Variants in SYNM observed in about 807,000 individuals in gnomAD.
SYNM encodes the protein synemin, also known as desmuslin.
Under a neutral mutation model 104.0 loss-of-function variants are expected in SYNM, and 95 were observed. The observed-to-expected ratio is 0.91, with a 90% confidence interval of 0.77 to 1.08. SYNM has a LOEUF of 1.08. SYNM is among the 50% of genes least tolerant of loss of function. SYNM has a pLI of 0.00. For synonymous variants in SYNM, 918 were observed against 869.0 expected, an observed-to-expected ratio of 1.06 and a Z score of -0.99; for missense variants, 2,150 against 2,052.2, an observed-to-expected ratio of 1.05 and a Z score of -0.92.
intron 1 of SYNM, among the ~76,000 whole-genome samples, chr15:99,113,191 T>A (rs782584449): frequency 1.3e-5 from 2 of 152,236 alleles, no homozygotes; most frequent in Non-Finnish European, 2.9e-5. Context: ...GAGTGACTTA[T>A]GTTTTGAATA....
intron 2 of SYNM, among the ~76,000 whole-genome samples, chr15:99,122,264 G>A (rs1264838953): frequency 1.3e-5 from 2 of 152,186 alleles, no homozygotes; most frequent in Non-Finnish European, 1.5e-5. Context: ...TCTCCATGTA[G>A]ACTGCTAATG....
At chr15:99,126,167 G>A (rs1481523342) in intron 2 of SYNM, among the ~76,000 whole-genome samples, 4 of 152,080 alleles carry the variant, frequency 2.6e-5, no homozygotes, top group Admixed American at 6.5e-5. Context: ...TCTTTTTGTC[G>A]TCTCCAAGGT....
rs782352571 is a variant in SYNM at position 99,129,787 on chromosome 15, G to A, written c.1427G>A (p.Arg476Gln). The change falls in exon 4 of 4, where the codon CGA (arginine) becomes CAA (glutamine). Residue 476 changes from arginine (R) to glutamine (Q), a missense_variant. By Grantham distance (43) the Arg-to-Gln change is conservative. Coordinates refer to ENST00000336292, the MANE Select transcript of SYNM (RefSeq NM_145728.3). Reference protein sequence around the residue: ...TIARESYRDRRDKVAAGASES... With the variant: ...TIARESYRDRQDKVAAGASES... ...GCCCGCGAGTCGTACCGGGATCGCC[G>A]AGACAAGGTGGCAGCAGGTGCTTCG... 4 of 1,613,510 alleles carry A rather than the reference G, an allele frequency of 2.5e-6. No homozygotes were observed. Among genetic ancestry groups the A allele is most frequent in the South Asian group, 1.1e-5 (1 of 91,070 alleles).
intron 2 of SYNM, among the ~76,000 whole-genome samples, chr15:99,119,888 A>ATGACTGTCCACCCCG (rs1405292943): frequency 2.6e-5 from 4 of 152,154 alleles, no homozygotes; most frequent in Non-Finnish European, 5.9e-5. Context: ...GCTTTATCTC[A>ATGACTGTCCACCCCG]TGACTGTCCA....
Position 99,130,260 on chromosome 15 carries a change from A to C in SYNM, c.1900A>C (p.Met634Leu), listed in dbSNP as rs375763391. The C allele has an allele frequency of 1.4e-5, 23 of 1,613,996 alleles. No homozygotes were observed. Among genetic ancestry groups the C allele is most frequent in the Non-Finnish European group, 1.9e-5 (22 of 1,179,888 alleles). Residue 634 changes from methionine (M) to leucine (L), a missense_variant, in exon 4 of 4, where the codon ATG (methionine) becomes CTG (leucine). Met to Leu is a conservative substitution (Grantham distance 15). Coordinates refer to ENST00000336292, the MANE Select transcript of SYNM (RefSeq NM_145728.3). Reference protein sequence around the residue: ...DATGSLQGDSMTETVAENIVT... With the variant: ...DATGSLQGDSLTETVAENIVT... ...CACTGGTTCTCTGCAAGGCGATTCCATGACAGAAACCGTAGCAGAAAACAT... is the reference window on the plus strand; with the variant it reads ...CACTGGTTCTCTGCAAGGCGATTCCCTGACAGAAACCGTAGCAGAAAACAT...
rs376244128 is a variant in SYNM at position 99,129,913 on chromosome 15, C to T, written c.1553C>T (p.Thr518Ile). 9.9e-6 allele frequency: 16 copies of T among 1,612,482 alleles called. No individual in the cohort carries two copies. Among genetic ancestry groups the T allele is most frequent in the Non-Finnish European group, 1.3e-5 (15 of 1,179,200 alleles). The change falls in exon 4 of 4, where the codon ACA becomes ATA. Residue 518 changes from threonine (T) to isoleucine (I), a missense_variant. Thr to Ile is a moderately conservative substitution (Grantham distance 89). Transcript: ENST00000336292. ...AGAAACAGACCAGAAACCATCCGAACAAAGCCAGAAGAGAAAATGTTCGAT... is the reference window on the plus strand; with the variant it reads ...AGAAACAGACCAGAAACCATCCGAATAAAGCCAGAAGAGAAAATGTTCGAT... ...QERNRPETIR[T>I]KPEEKMFDSK...
chr15:99,131,466 C>G lies in SYNM; in HGVS notation c.3106C>G (p.Arg1036Gly), dbSNP rs782508026. The G allele has an allele frequency of 6.2e-7, 1 of 1,606,294 alleles. No individual in the cohort carries two copies. Among genetic ancestry groups the G allele is most frequent in the South Asian group, 1.1e-5 (1 of 90,690 alleles). The change falls in exon 4 of 4, where the codon CGG becomes GGG. Residue 1036 changes from arginine to glycine, a missense_variant. Physicochemically the swap from Arg to Gly is moderately radical, Grantham distance 125. Coordinates refer to ENST00000336292, the MANE Select transcript of SYNM (RefSeq NM_145728.3). The surrounding 1 kb of genome is among the most constrained non-coding windows in gnomAD (Gnocchi z 4.3). ...EMEKAVESVV[R>G]ESLSRQRSPA... is the part of the protein sequence containing the mutation. ...GGAGAAGGCTGTGGAGTCGGTGGTT[C>G]GGGAGAGCCTGAGCAGGCAACGCAG...
At chr15:99,138,002 T>G, downstream of SYNM, 3 of 1,613,958 alleles carry the variant, frequency 1.9e-6, no homozygotes, top group Non-Finnish European at 2.5e-6. Flanking sequence ...TTTTTCAGGG[T>G]GGGGGCCTCA....
chr15:99,119,490 T>C (rs1183082343), intron 2 of SYNM, among the ~76,000 whole-genome samples: 2 of 152,010 alleles, frequency 1.3e-5, no homozygotes, highest in Non-Finnish European at 2.9e-5. Flanking sequence ...GAAGGATGGG[T>C]TGATGGAGGA....
chr15:99,105,826 G>T lies in SYNM; in HGVS notation c.627G>T (p.Leu209=). The T allele has an allele frequency of 6.5e-7, 1 of 1,543,044 alleles. No individual in the cohort carries two copies. Among genetic ancestry groups the T allele is most frequent in the Non-Finnish European group, 8.7e-7 (1 of 1,145,836 alleles). The part of the protein sequence containing the change: ...VQLYEDEVRE[L]EEALRRGQES... ...TGTACGAGGACGAGGTGCGCGAGCT[G>T]GAGGAGGCGCTGCGGCGCGGCCAGG... The change falls in exon 1 of 4, where the codon CTG becomes CTT. Residue 209 remains leucine, a synonymous_variant. Coordinates refer to ENST00000336292, the MANE Select transcript of SYNM (RefSeq NM_145728.3).
At chr15:99,117,584 A>G (rs559480198) in intron 2 of SYNM, among the ~76,000 whole-genome samples, 1 of 152,322 alleles carries the variant, frequency 6.6e-6, no homozygotes, top group East Asian at 1.9e-4. Context: ...TCTTTCTGTA[A>G]TAGTTCTCTG....
chr15:99,114,000 T>C (rs973111314), intron 2 of SYNM, among the ~76,000 whole-genome samples: 2 of 143,344 alleles, frequency 1.4e-5, no homozygotes, highest in African/African-American at 5.2e-5. Flanking sequence ...GCTTCACACA[T>C]GTCAACGTGT....
At chr15:99,125,750 A>G (rs1183756097) in intron 2 of SYNM, among the ~76,000 whole-genome samples, 1 of 152,164 alleles carries the variant, frequency 6.6e-6, no homozygotes, top group Non-Finnish European at 1.5e-5. Context: ...TGCCGTGTGC[A>G]GTGTATTTCT....
At chr15:99,129,041 C>T in intron 3 of SYNM, 1 of 230,788 alleles carries the variant, frequency 4.3e-6, no homozygotes, top group Non-Finnish European at 8.5e-6. Flanking sequence ...GAAATTTCAG[C>T]CACAAAAACG....
chr15:99,115,212 AGCAAGCTGTGGAAACCG>A (rs1191711264), intron 2 of SYNM, among the ~76,000 whole-genome samples: 1 of 152,182 alleles, frequency 6.6e-6, no homozygotes, highest in Non-Finnish European at 1.5e-5. Context: ...GGAGGGTGTG[AGCAAGCTGTGGAAACCG>A]CTTTGGCAGA....
Position 99,105,605 on chromosome 15 carries a change from C to T in SYNM, c.406C>T (p.Arg136Trp). The T allele has an allele frequency of 2.4e-6, 3 of 1,225,358 alleles. No homozygotes were observed. Among genetic ancestry groups the T allele is most frequent in the Non-Finnish European group, 3.1e-6 (3 of 982,438 alleles). 75.9% of individuals were successfully genotyped at this position (1,225,358 alleles called of 1,614,324 possible). A position where few individuals can be genotyped will look rare whatever the true frequency, so the allele number is the denominator to read the frequency against. Residue 136 changes from arginine to tryptophan, a missense_variant, in exon 1 of 4, where the codon CGG becomes TGG. Transcript: ENST00000336292. ...CGCCGCCCTCGAGGCGCTGCTGGGC[C>T]GGCTGCAGGCCGAGCGCCGAGGCCT... ...ARAALEALLG[R>W]LQAERRGLDA... is the part of the protein sequence containing the mutation.
At chr15:99,107,449 C>G (rs142820244) in intron 1 of SYNM, among the ~76,000 whole-genome samples, 2 of 152,316 alleles carry the variant, frequency 1.3e-5, no homozygotes, top group East Asian at 1.9e-4. Context: ...CAGGGAACCC[C>G]TTTGTAGGGA....
the SYNM span, among the ~76,000 whole-genome samples, chr15:99,141,445 G>C: frequency 6.6e-6 from 1 of 152,118 alleles, no homozygotes; most frequent in Admixed American, 6.6e-5. Flanking sequence ...GGATGGGGTA[G>C]GTATAGAGGG....
At chr15:99,109,193 T>C (rs927704695) in intron 1 of SYNM, among the ~76,000 whole-genome samples, 2 of 152,190 alleles carry the variant, frequency 1.3e-5, no homozygotes, top group Non-Finnish European at 2.9e-5. Context: ...GCGGTAGTCA[T>C]TGGCCTGCCC....
Sources: allele counts gnomAD v4.1 joint callset (sites outside exome capture counted in the v4.1 genomes callset), GRCh38; gene constraint gnomAD v4.1.1; non-coding constraint Gnocchi (gnomAD v3.1); transcripts MANE v1.5; gene names NCBI Gene and HGNC (gene_info 2026-07-23, HGNC 2026-07-21).